Variants in GALNT17 observed in about 807,000 individuals in gnomAD.
GALNT17 encodes the protein UDP-GalNAc:polypeptide N-acetylgalactosaminyltransferase-like 3.
A neutral mutation model predicts 63.7 loss-of-function variants in GALNT17; 29 were observed. The ratio of observed to expected loss-of-function variants is 0.46; its 90% CI spans 0.34 to 0.62. The LOEUF (loss-of-function observed/expected upper bound fraction) is 0.62, where lower values mean the gene tolerates loss of function less well. Ranked by LOEUF, GALNT17 falls within the 20% of genes least tolerant of loss-of-function variation. GALNT17 has a pLI of 0.01. For missense variants in GALNT17, 603 were observed against 799.6 expected, an observed-to-expected ratio of 0.75 and a Z score of 2.97; for synonymous variants, 305 against 318.3, an observed-to-expected ratio of 0.96 and a Z score of 0.45.
intron 5 of GALNT17, among the ~76,000 whole-genome samples, chr7:71,525,940 A>C (rs559925809): frequency 6.6e-6 from 1 of 151,262 alleles, no homozygotes; most frequent in African/African-American, 2.4e-5. Flanking sequence ...GGATTTTGCC[A>C]TGTTGGCCAG....
At chr7:71,199,485 C>A (rs1052825760) in intron 1 of GALNT17, among the ~76,000 whole-genome samples, 9 of 152,026 alleles carry the variant, frequency 5.9e-5, no homozygotes, top group African/African-American at 2.2e-4. Context: ...TCCCACTCAT[C>A]CATCCACACA....
chr7:71,264,779 G>T (rs374441807), intron 1 of GALNT17, among the ~76,000 whole-genome samples: 8 of 152,072 alleles, frequency 5.3e-5, no homozygotes, highest in African/African-American at 1.9e-4. Context: ...TAAAAAAGTC[G>T]ACCTCATGGG....
intron 5 of GALNT17, among the ~76,000 whole-genome samples, chr7:71,517,367 T>G (rs1788461525): frequency 6.6e-6 from 1 of 152,162 alleles, no homozygotes; most frequent in Non-Finnish European, 1.5e-5. Context: ...CCCAAAGTCC[T>G]GACCTGCCAC....
At chr7:71,172,638 T>C in intron 1 of GALNT17, among the ~76,000 whole-genome samples, 1 of 152,174 alleles carries the variant, frequency 6.6e-6, no homozygotes, top group East Asian at 1.9e-4. Flanking sequence ...TAAGGACCAC[T>C]CCTGTGGAGT....
At chr7:71,551,145 C>A (rs774359802) in intron 5 of GALNT17, among the ~76,000 whole-genome samples, 4 of 152,036 alleles carry the variant, frequency 2.6e-5, no homozygotes, top group Non-Finnish European at 4.4e-5. Flanking sequence ...ATTTATTCTT[C>A]ATCTTTTTCT....
At chr7:71,372,970 C>T (rs10237154) in intron 2 of GALNT17, among the ~76,000 whole-genome samples, 55,457 of 152,038 alleles carry the variant, frequency 0.36, 11,023 homozygotes, top group Non-Finnish European at 0.45. Context: ...ATCCGCATGT[C>T]GAGGTGGGGA....
intron 1 of GALNT17, 99 bp from the exon 2 acceptor site, chr7:71,335,451 A>G: frequency 8.3e-7 from 1 of 1,208,190 alleles, no homozygotes; most frequent in Non-Finnish European, 1.1e-6. Context: ...TTCTGTGACA[A>G]GTAATGTTAA....
chr7:71,670,185 G>A lies in GALNT17; in HGVS notation c.1404+76G>A, dbSNP rs1791047924. On this transcript the variant is annotated intron_variant, in intron 8 of 10. Coordinates refer to ENST00000333538, the MANE Select transcript of GALNT17 (RefSeq NM_022479.3). ...TGGGTTGCTTCGCTGGGGAGAAATA[G>A]AGTTGCTCATTCATTCATTCAATGA... is the stretch of plus-strand genomic sequence containing the variant. 1.3e-5 allele frequency: 21 copies of A among 1,590,862 alleles called. No individual in the cohort carries two copies. In the South Asian group the frequency reaches 2.3e-4, roughly 17 times the overall value.
chr7:71,328,043 T>C (rs1791734192), intron 1 of GALNT17, among the ~76,000 whole-genome samples: 1 of 152,144 alleles, frequency 6.6e-6, no homozygotes, highest in African/African-American at 2.4e-5. Context: ...GTCTTTCTCC[T>C]AGAGTATGCA....
intron 2 of GALNT17, among the ~76,000 whole-genome samples, chr7:71,377,114 A>ATATATATATATATATATATATATAT (rs1554362120): frequency 1.7e-5 from 1 of 57,468 alleles, no homozygotes; most frequent in Non-Finnish European, 3.0e-5. Flanking sequence ...AAATAAAAAA[A>ATATATATATATATATATATATATAT]ATATATATAT....
At chr7:71,176,651 T>C (rs1304180530) in intron 1 of GALNT17, among the ~76,000 whole-genome samples, 3 of 152,110 alleles carry the variant, frequency 2.0e-5, no homozygotes, top group Admixed American at 6.5e-5. Context: ...TTTCCTAGTT[T>C]TTGGACAACT....
intron 1 of GALNT17, among the ~76,000 whole-genome samples, chr7:71,239,072 G>A (rs1420582462): frequency 1.3e-5 from 2 of 152,102 alleles, no homozygotes; most frequent in African/African-American, 4.8e-5. Context: ...AGCCCCAGCC[G>A]ACAGTCCCAT....
intron 3 of GALNT17, among the ~76,000 whole-genome samples, chr7:71,395,914 A>G (rs1417070059): frequency 6.6e-6 from 1 of 152,188 alleles, no homozygotes; most frequent in Non-Finnish European, 1.5e-5. Flanking sequence ...CATCTATTCA[A>G]GTACTTTGCC....
At chr7:71,311,551 T>G (rs1224738093) in intron 1 of GALNT17, among the ~76,000 whole-genome samples, 1 of 152,104 alleles carries the variant, frequency 6.6e-6, no homozygotes. Context: ...AAGGCCTGAG[T>G]CACATTTTTT....
chr7:71,677,028 C>T (rs1484363941), intron 8 of GALNT17, among the ~76,000 whole-genome samples, 183 bp from the exon 9 acceptor site: 1 of 152,134 alleles, frequency 6.6e-6, no homozygotes, highest in Admixed American at 6.6e-5. Flanking sequence ...ATGCCATCCA[C>T]CTTAAGACTT....
rs536326580 is a variant in GALNT17 at position 71,207,058 on chromosome 7, A to T, written c.238+74018A>T. On this transcript the variant is annotated intron_variant, in intron 1 of 10. Transcript: ENST00000333538. ...GAGGTGGAGCTTGCAGTGAGCCAAG[A>T]TCGTGCCACTGCACTCCAGCCTGGG... is the stretch of plus-strand genomic sequence containing the variant. Among the ~76,000 whole-genome samples the T allele has an allele frequency of 2.8e-4, 42 of 152,066 alleles. No individual in the cohort carries two copies. In the South Asian group the frequency reaches 7.7e-3, roughly 28 times the overall value.
At chr7:71,561,618 TC>T (rs1789257427) in intron 5 of GALNT17, among the ~76,000 whole-genome samples, 1 of 152,090 alleles carries the variant, frequency 6.6e-6, no homozygotes, top group Non-Finnish European at 1.5e-5. Context: ...CAGCCCCTGA[TC>T]CCTGGGTCAG....
chr7:71,306,669 G>A (rs966448637), intron 1 of GALNT17, among the ~76,000 whole-genome samples: 2 of 152,124 alleles, frequency 1.3e-5, no homozygotes, highest in African/African-American at 4.8e-5. Context: ...GCAAAAAACA[G>A]AAATTACTTT....
intron 3 of GALNT17, among the ~76,000 whole-genome samples, chr7:71,399,472 C>A (rs928618689): frequency 3.3e-5 from 5 of 152,152 alleles, no homozygotes; most frequent in African/African-American, 1.2e-4. Context: ...ACTTGGTTAA[C>A]CCTCTGATTC....
Sources: allele counts gnomAD v4.1 joint callset (sites outside exome capture counted in the v4.1 genomes callset), GRCh38; gene constraint gnomAD v4.1.1; transcripts MANE v1.5; gene names NCBI Gene and HGNC (gene_info 2026-07-23, HGNC 2026-07-21).